The following CADPS variants were observed in gnomAD, a reference collection of about 807,000 sequenced individuals.
CADPS encodes the protein calcium-dependent secretion activator 1.
Under a neutral mutation model 167.3 loss-of-function variants are expected in CADPS, and 57 were observed. The ratio of observed to expected loss-of-function variants is 0.34; its 90% CI spans 0.28 to 0.42. CADPS has a LOEUF of 0.42. CADPS is among the 20% of genes least tolerant of loss of function. The probability of loss-of-function intolerance (pLI) is 1.00; values close to 1 mark genes in which losing one functional copy is unlikely to be tolerated. For synonymous variants in CADPS, 676 were observed against 635.3 expected (o/e 1.06, Z -0.96); for missense variants, 1,414 against 1,738.1 (o/e 0.81, Z 3.32).
At chr3:62,864,050 A>T (rs569718532) in intron 1 of CADPS, among the ~76,000 whole-genome samples, 13 of 152,328 alleles carry the variant, frequency 8.5e-5, no homozygotes, top group African/African-American at 3.1e-4. Context: ...AAGTGCTTAT[A>T]CCAGAAATTA....
chr3:62,405,458 A>T (rs1048045584), intron 28 of CADPS, among the ~76,000 whole-genome samples: 1 of 141,804 alleles, frequency 7.1e-6, no homozygotes. Flanking sequence ...GAAAAAAAAA[A>T]AAAAAATAAA....
intron 6 of CADPS, among the ~76,000 whole-genome samples, chr3:62,618,413 C>G (rs150798798): frequency 7.0e-4 from 106 of 152,274 alleles, no homozygotes; most frequent in African/African-American, 2.5e-3. Context: ...TGTTTATGGC[C>G]TGAGTGATGG....
chr3:62,823,206 C>T (rs975270178), intron 1 of CADPS, among the ~76,000 whole-genome samples: 2 of 152,120 alleles, frequency 1.3e-5, no homozygotes, highest in African/African-American at 4.8e-5. Context: ...AAGACTTAAA[C>T]CAACAGGAAT....
chr3:62,767,291 C>T (rs907829847), intron 1 of CADPS, among the ~76,000 whole-genome samples: 1 of 152,006 alleles, frequency 6.6e-6, no homozygotes, highest in African/African-American at 2.4e-5. Context: ...CTGGAAAAAG[C>T]GACTTATATT....
At chr3:62,605,659 G>A (rs2060597794) in intron 6 of CADPS, among the ~76,000 whole-genome samples, 1 of 152,204 alleles carries the variant, frequency 6.6e-6, no homozygotes, top group African/African-American at 2.4e-5. Context: ...ATGCTGAACA[G>A]CTGACTCTCC....
At chr3:62,474,011 G>A (rs987296442) in intron 24 of CADPS, 162 bp downstream of exon 24, 1 of 530,892 alleles carries the variant, frequency 1.9e-6, no homozygotes, top group Non-Finnish European at 3.2e-6. Flanking sequence ...AAATCTACTT[G>A]ACAAACAGAT....
At chr3:62,632,162 A>G (rs2065403032) in intron 6 of CADPS, among the ~76,000 whole-genome samples, 1 of 152,206 alleles carries the variant, frequency 6.6e-6, no homozygotes, top group Non-Finnish European at 1.5e-5. Flanking sequence ...GTTATCTATC[A>G]TATGCATATA....
chr3:62,572,319 C>G (rs1425746099), intron 8 of CADPS, among the ~76,000 whole-genome samples: 1 of 152,104 alleles, frequency 6.6e-6, no homozygotes, highest in African/African-American at 2.4e-5. Flanking sequence ...TGGGGAGTTC[C>G]TCACGGCTCT....
chr3:62,668,484 A>T (rs1280310047), intron 3 of CADPS, among the ~76,000 whole-genome samples: 1 of 152,122 alleles, frequency 6.6e-6, no homozygotes, highest in Non-Finnish European at 1.5e-5. Context: ...TCATGCCTGG[A>T]GCACTCTTCC....
intron 6 of CADPS, among the ~76,000 whole-genome samples, chr3:62,627,417 G>A (rs527572369): frequency 9.2e-5 from 14 of 152,060 alleles, no homozygotes; most frequent in African/African-American, 3.1e-4. Flanking sequence ...AAATCCCCAT[G>A]GGCAAGCTGT....
chr3:62,706,534 A>G (rs373933752), intron 3 of CADPS, among the ~76,000 whole-genome samples: 5 of 152,086 alleles, frequency 3.3e-5, no homozygotes, highest in East Asian at 1.9e-4. Context: ...TTGTCTCCCA[A>G]TACTGGGCTG....
chr3:62,542,808 G>C (rs1425794631), intron 11 of CADPS, among the ~76,000 whole-genome samples: 1 of 152,102 alleles, frequency 6.6e-6, no homozygotes, highest in African/African-American at 2.4e-5. Flanking sequence ...TTATTTGTCA[G>C]ACAATTGCTT....
chr3:62,399,705 A>T lies in CADPS; in HGVS notation c.3883-120T>A. 1.4e-6 allele frequency: 1 copy of T among 717,810 alleles called. No homozygotes were observed. The highest frequency in any genetic ancestry group is 2.3e-6 in the Non-Finnish European group (1 of 430,546). The allele number at this position is 717,810 out of a possible 1,614,324, so 44.5% of individuals were successfully genotyped here. A position where few individuals can be genotyped will look rare whatever the true frequency, so the allele number is the denominator to read the frequency against. ...TTCAGCTAAATATCACACTTTATGCATTGTCAAATAAAAAGCCACTGTGCT... is the reference window on the plus strand; with the variant it reads ...TTCAGCTAAATATCACACTTTATGCTTTGTCAAATAAAAAGCCACTGTGCT... On this transcript the variant is annotated intron_variant, in intron 29 of 29. Transcript: ENST00000383710. This position sits in a 1 kb window ranked among gnomAD's most constrained non-coding sequence, Gnocchi z 5.6.
chr3:62,852,822 A>T (rs1164437220), intron 1 of CADPS, among the ~76,000 whole-genome samples: 1 of 152,190 alleles, frequency 6.6e-6, no homozygotes, highest in Non-Finnish European at 1.5e-5. Context: ...TTTTCCCTCA[A>T]CACTTCATAT....
chr3:62,689,619 GGAT>G (rs2078730586), intron 3 of CADPS, among the ~76,000 whole-genome samples: 1 of 151,976 alleles, frequency 6.6e-6, no homozygotes. Flanking sequence ...GATTGTATTT[GGAT>G]GACATGTTTG....
chr3:62,522,801 C>T (rs1210318718), intron 13 of CADPS, among the ~76,000 whole-genome samples: 14 of 152,100 alleles, frequency 9.2e-5, no homozygotes, highest in African/African-American at 2.7e-4. Flanking sequence ...TGGCTAACAA[C>T]TCGCTTCTTT....
At chr3:62,520,118 G>T (rs936671864) in intron 13 of CADPS, among the ~76,000 whole-genome samples, 1 of 152,262 alleles carries the variant, frequency 6.6e-6, no homozygotes, top group Admixed American at 6.5e-5. Context: ...TTCAGAAAAG[G>T]TTTACTGATC....
At chr3:62,597,715 C>T (rs1200360342) in intron 6 of CADPS, among the ~76,000 whole-genome samples, 1 of 152,156 alleles carries the variant, frequency 6.6e-6, no homozygotes, top group African/African-American at 2.4e-5. Flanking sequence ...TGGAGGCTGC[C>T]CTGACAACCC....
At chr3:62,629,083 T>C (rs1042524179) in intron 6 of CADPS, among the ~76,000 whole-genome samples, 2 of 152,170 alleles carry the variant, frequency 1.3e-5, no homozygotes, top group South Asian at 2.1e-4. Context: ...GTAACATGGA[T>C]AAAATTTTCT....
Sources: allele counts gnomAD v4.1 joint callset (sites outside exome capture counted in the v4.1 genomes callset), GRCh38; gene constraint gnomAD v4.1.1; non-coding constraint Gnocchi (gnomAD v3.1); transcripts MANE v1.5; gene names NCBI Gene and HGNC (gene_info 2026-07-23, HGNC 2026-07-21).